The following SLC6A4 variants were observed in gnomAD, a reference collection of about 807,000 sequenced individuals.
SLC6A4 encodes sodium-dependent serotonin transporter.
Under a neutral mutation model 73.4 loss-of-function variants are expected in SLC6A4, and 22 were observed. The observed-to-expected ratio is 0.30, with a 90% CI of 0.21 to 0.43. The LOEUF is 0.43. Ranked by LOEUF, SLC6A4 falls within the 20% of genes least tolerant of loss-of-function variation. SLC6A4 has a pLI of 1.00. For synonymous variants in SLC6A4, 270 were observed against 315.5 expected, an observed-to-expected ratio of 0.86 and a Z score of 1.53; for missense variants, 593 against 808.5, an observed-to-expected ratio of 0.73 and a Z score of 3.23.
intron 8 of SLC6A4, among the ~76,000 whole-genome samples, chr17:30,214,422 C>CAAAAAAAAAAAAAAAAAAAAAAAAAAAAA: frequency 1.3e-5 from 1 of 79,534 alleles, no homozygotes; most frequent in Non-Finnish European, 2.2e-5. Context: ...AACTCCGTCT[C>CAAAAAAAAAAAAAAAAAAAAAAAAAAAAA]AAAAAAAAAA....
rs1285797381 is a variant in SLC6A4 at position 30,216,074 on chromosome 17, C to G, written c.972+8G>C. On this transcript the variant is annotated splice_region_variant and intron_variant, in intron 7 of 14. Transcript: ENST00000650711. The stretch of plus-strand genomic sequence containing the variant: ...AGACAGGTACACATATTTCCCTCAT[C>G]ATCTTACCCCTGTCTCCAGGAGTTT... 2 of 1,611,922 alleles carry G rather than the reference C, an allele frequency of 1.2e-6. No homozygotes were observed. The highest frequency in any genetic ancestry group is 1.7e-4 in the Middle Eastern group (1 of 6,048).
At position 30,210,883 on chromosome 17, in the gene SLC6A4, C is replaced by T. The variant is rs576527812; in HGVS notation, c.1318-237G>A. On this transcript the variant is annotated intron_variant, in intron 10 of 14. Coordinates refer to ENST00000650711, the MANE Select transcript of SLC6A4 (RefSeq NM_001045.6). ...AACAAAATAGCACACGTGGACAGAA[C>T]TTCAATATATGAGGTCTCTCGGGGA... is the stretch of plus-strand genomic sequence containing the variant. 6.6e-5 allele frequency among the ~76,000 whole-genome samples: 10 copies of T among 152,284 alleles called. No individual in the cohort carries two copies. In the South Asian group the frequency reaches 1.7e-3, roughly 25 times the overall value.
At position 30,221,939 on chromosome 17, in the gene SLC6A4, T is replaced by C; in HGVS notation, c.20A>G (p.Asn7Ser). The C allele has an allele frequency of 1.2e-6, 2 of 1,614,146 alleles. No individual in the cohort carries two copies. Among genetic ancestry groups the C allele is most frequent in the Non-Finnish European group, 8.5e-7 (1 of 1,180,040 alleles). The change falls in exon 3 of 15, where the codon AAT (asparagine) becomes AGT (serine). Residue 7 changes from asparagine (N) to serine (S), a missense_variant. Coordinates refer to ENST00000650711, the MANE Select transcript of SLC6A4 (RefSeq NM_001045.6). METTPL[N>S]SQKQLSACED... ...ACACGCTGATAGCTGCTTCTGAGAA[T>C]TCAAGGGCGTCGTCTCCATCCTGCT...
chr17:30,198,096 T>TATC lies in SLC6A4; in HGVS notation c.*357_*359dup, dbSNP rs1905919696. 1 of 219,780 alleles carries TATC rather than the reference T, an allele frequency of 4.5e-6. No homozygotes were observed. Among genetic ancestry groups the TATC allele is most frequent in the South Asian group, 1.7e-4 (1 of 5,748 alleles). The allele number at this position is 219,780 out of a possible 1,614,324, so 13.6% of individuals were successfully genotyped here. A position where few individuals can be genotyped will look rare whatever the true frequency, so the allele number is the denominator to read the frequency against. ...AGTGAAACCTTTAGAAGCAAACAGA[T>TATC]ATCAGATACCAATGATCATACCAAG... On this transcript the variant is annotated 3_prime_UTR_variant, in exon 15 of 15. Transcript: ENST00000650711.
In SLC6A4 at chr17:30,209,185, T is replaced by C; in HGVS notation, c.1507A>G (p.Thr503Ala). Reference sequence around the variant, plus strand: ...GCGACTGCTTCGATCAGCGCGACAGTGAGCACTGCGGGCCCCGTGGCATAC... The same window carrying C: ...GCGACTGCTTCGATCAGCGCGACAGCGAGCACTGCGGGCCCCGTGGCATAC... ...EEYATGPAVL[T>A]VALIEAVAVS... Residue 503 changes from threonine to alanine, a missense_variant, in exon 12 of 15, where the codon ACT becomes GCT. Coordinates refer to ENST00000650711, the MANE Select transcript of SLC6A4 (RefSeq NM_001045.6). The C allele has an allele frequency of 6.2e-7, 1 of 1,613,860 alleles. No individual in the cohort carries two copies. The highest frequency in any genetic ancestry group is 8.5e-7 in the Non-Finnish European group (1 of 1,179,876).
At chr17:30,210,719 A>G in intron 10 of SLC6A4, 73 bp from the exon 11 acceptor site, 1 of 1,509,934 alleles carries the variant, frequency 6.6e-7, no homozygotes, top group Admixed American at 2.1e-5. Context: ...AGTGAACAGG[A>G]GGGAGGGGTA....
chr17:30,225,755 T>C (rs8071667), intron 1 of SLC6A4, among the ~76,000 whole-genome samples: 124,239 of 152,112 alleles, frequency 0.82, 50,762 homozygotes, highest in East Asian at 0.9. Context: ...AGACAGAAGC[T>C]TCGTCCCCCT....
rs143791040 is a variant in SLC6A4, at chr17:30,212,945, C to T, written c.1077-78G>A. The T allele has an allele frequency of 7.1e-5, 108 of 1,521,906 alleles. 1 individual carries two copies. In the African/African-American group the frequency reaches 1.2e-3, roughly 17 times the overall value. The allele number at this position is 1,521,906 out of a possible 1,614,324, so 94.3% of individuals were successfully genotyped here. A position where few individuals can be genotyped will look rare whatever the true frequency, so the allele number is the denominator to read the frequency against. On this transcript the variant is annotated intron_variant, in intron 8 of 14. Coordinates refer to ENST00000650711, the MANE Select transcript of SLC6A4 (RefSeq NM_001045.6). ...TAAGGAGCATCTGTCCGTGTGCCTG[C>T]CCTGCCTTAGACAGGGCGGCCACAG...
Position 30,225,113 on chromosome 17 carries a change from GTCTC to G in SLC6A4, c.-220-2202_-220-2199del, listed in dbSNP as rs1027849307. On this transcript the variant is annotated intron_variant, in intron 1 of 14. Transcript: ENST00000650711. ...ACCGGGCAGCCTCTCCCCACAGGCT[GTCTC>G]TCTCTATCCAGCTGTGCTTTCTGGG... Among the ~76,000 whole-genome samples, 40 of 152,252 alleles carry G rather than the reference GTCTC, an allele frequency of 2.6e-4. 1 individual carries two copies. The highest frequency in any genetic ancestry group is 8.2e-4 in the African/African-American group (34 of 41,542).
chr17:30,212,384 C>A (rs1275358471), intron 9 of SLC6A4, among the ~76,000 whole-genome samples: 1 of 152,198 alleles, frequency 6.6e-6, no homozygotes, highest in South Asian at 2.1e-4. Context: ...TCTCTCAAAT[C>A]TTTGAATAAA....
intron 8 of SLC6A4, 149 bp from the exon 9 acceptor site, chr17:30,213,016 A>C: frequency 1.2e-6 from 1 of 800,240 alleles, no homozygotes; most frequent in East Asian, 2.7e-5. Context: ...CCTGTCCCGG[A>C]GTCCCTTCGC....
chr17:30,198,702 T>C (rs1172282881), intron 14 of SLC6A4, among the ~76,000 whole-genome samples, 172 bp from the exon 15 acceptor site: 1 of 152,132 alleles, frequency 6.6e-6, no homozygotes, highest in Non-Finnish European at 1.5e-5. Flanking sequence ...ATTTATGTAT[T>C]CTCAAATATG....
In SLC6A4 at chr17:30,221,744, G is replaced by A. The variant is rs200078896; in HGVS notation, c.215C>T (p.Ala72Val). 11 of 1,614,058 alleles carry A rather than the reference G, an allele frequency of 6.8e-6. No individual in the cohort carries two copies. Among genetic ancestry groups the A allele is most frequent in the Non-Finnish European group, 7.6e-6 (9 of 1,180,006 alleles). Residue 72 changes from alanine to valine, a missense_variant, in exon 3 of 15, where the codon GCT becomes GTT. Coordinates refer to ENST00000650711, the MANE Select transcript of SLC6A4 (RefSeq NM_001045.6). ...CTCCCGTTCCCCTTGATGAAGCTCA[G>A]CCACTAGGGTGGTGGTGGTCGCTGG... ...SIPATTTTLV[A>V]ELHQGERETW...
At chr17:30,216,930 C>G (rs1361754767) in intron 6 of SLC6A4, among the ~76,000 whole-genome samples, 1 of 152,032 alleles carries the variant, frequency 6.6e-6, no homozygotes, top group African/African-American at 2.4e-5. Context: ...GAACTCCTGG[C>G]CTCAAATGAT....
At position 30,230,716 on chromosome 17, in the gene SLC6A4, G is replaced by A. The variant is rs78723840; in HGVS notation, c.-221+4897C>T. 8.9e-3 allele frequency among the ~76,000 whole-genome samples: 1,350 copies of A among 152,270 alleles called. 21 individuals are homozygous for A. Among genetic ancestry groups the A allele is most frequent in the African/African-American group, 0.031 (1,282 of 41,542 alleles). On this transcript the variant is annotated intron_variant, in intron 1 of 14. Coordinates refer to ENST00000650711, the MANE Select transcript of SLC6A4 (RefSeq NM_001045.6). Reference sequence around the variant, plus strand: ...GAAACTGGCCCATTTCTCTGGGTGGGGCATGGAGGGGAGAAGGAGAGGTGA... The same window carrying A: ...GAAACTGGCCCATTTCTCTGGGTGGAGCATGGAGGGGAGAAGGAGAGGTGA...
intron 3 of SLC6A4, 51 bp downstream of exon 3, chr17:30,221,565 G>GTCACAGCCCACTCCGGT: frequency 1.3e-6 from 2 of 1,537,676 alleles, no homozygotes; most frequent in Non-Finnish European, 1.8e-6. Context: ...CCCACTCCGG[G>GTCACAGCCCACTCCGGT]TCACAGCCCA....
At chr17:30,220,662 G>A (rs1906717772) in intron 3 of SLC6A4, among the ~76,000 whole-genome samples, 1 of 152,210 alleles carries the variant, frequency 6.6e-6, no homozygotes, top group South Asian at 2.1e-4. Flanking sequence ...CAAAGGATCA[G>A]AAGCATCTGG....
At position 30,204,759 on chromosome 17, in the gene SLC6A4, T is replaced by C. The variant is rs540862208; in HGVS notation, c.1651-1420A>G. ...GGGATCTGTTAAGTGAACGTAGAAG[T>C]GGAAGACAGATTTGCCTCTCTCAGG... is the stretch of plus-strand genomic sequence containing the variant. On this transcript the variant is annotated intron_variant, in intron 13 of 14. Transcript: ENST00000650711. Among the ~76,000 whole-genome samples, 6 of 152,304 alleles carry C rather than the reference T, an allele frequency of 3.9e-5. No individual in the cohort carries two copies. In the South Asian group the frequency reaches 1.0e-3, roughly 26 times the overall value.
At chr17:30,210,219 T>C (rs1471134382) in intron 11 of SLC6A4, among the ~76,000 whole-genome samples, 1 of 152,034 alleles carries the variant, frequency 6.6e-6, no homozygotes, top group Non-Finnish European at 1.5e-5. Flanking sequence ...AGAGTGGAAA[T>C]AGGCTGGAAA....
Sources: allele counts gnomAD v4.1 joint callset (sites outside exome capture counted in the v4.1 genomes callset), GRCh38; gene constraint gnomAD v4.1.1; transcripts MANE v1.5; gene names NCBI Gene and HGNC (gene_info 2026-07-23, HGNC 2026-07-21).